The following AZIN2 variants were observed in gnomAD, a reference collection of about 807,000 sequenced individuals.
AZIN2 encodes ODC antizyme inhibitor-2.
A neutral mutation model predicts 47.8 loss-of-function variants in AZIN2; 28 were observed. The ratio of observed to expected loss-of-function variants is 0.59; its 90% confidence interval spans 0.43 to 0.80. The LOEUF is 0.80. AZIN2 is among the 30% of genes least tolerant of loss of function. AZIN2 has a pLI of 0.00. For missense variants in AZIN2, 535 were observed against 582.5 expected (o/e 0.92, Z 0.84); for synonymous variants, 221 against 239.4 (o/e 0.92, Z 0.71).
At chr1:33,129,620 A>C in the AZIN2 span, among the ~76,000 whole-genome samples, 1 of 152,206 alleles carries the variant, frequency 6.6e-6, no homozygotes, top group African/African-American at 2.4e-5. This position sits in a 1 kb window ranked among gnomAD's most constrained non-coding sequence, Gnocchi z 4.1. Flanking sequence ...TTTTGTGTAA[A>C]TATGGACCTT....
chr1:33,100,486 C>T (rs1019939001), intron 10 of AZIN2, among the ~76,000 whole-genome samples: 1 of 152,018 alleles, frequency 6.6e-6, no homozygotes, highest in South Asian at 2.1e-4. Context: ...GCAGTACTCT[C>T]AATACTCAAA....
the AZIN2 span, chr1:33,147,417 C>T: frequency 1.2e-6 from 2 of 1,614,154 alleles, no homozygotes; most frequent in Non-Finnish European, 1.7e-6. The surrounding 1 kb of genome is among the most constrained non-coding windows in gnomAD (Gnocchi z 8.1). Flanking sequence ...AGGCGCTGTA[C>T]TGGTTGCCAT....
At chr1:33,155,149 G>A in the AZIN2 span, among the ~76,000 whole-genome samples, 2 of 149,496 alleles carry the variant, frequency 1.3e-5, no homozygotes, top group Non-Finnish European at 3.0e-5. Context: ...TCGGCTCATT[G>A]CAGCCTTCAC....
At chr1:33,128,968 C>T in the AZIN2 span, among the ~76,000 whole-genome samples, 19 of 152,072 alleles carry the variant, frequency 1.2e-4, no homozygotes, top group African/African-American at 3.1e-4. Flanking sequence ...ATAAAGCTGC[C>T]GGCCAGGATT....
intron 11 of AZIN2, chr1:33,119,760 C>G (rs1028593777): frequency 2.0e-6 from 1 of 496,062 alleles, no homozygotes; most frequent in Admixed American, 3.5e-5. Flanking sequence ...ATGCCTCCCT[C>G]ATGGGGTTTT....
the AZIN2 span, chr1:33,165,375 A>T: frequency 1.7e-6 from 2 of 1,169,024 alleles, no homozygotes; most frequent in Non-Finnish European, 2.4e-6. This position sits in a 1 kb window ranked among gnomAD's most constrained non-coding sequence, Gnocchi z 4.0. Flanking sequence ...TCCACCGCAC[A>T]CCCGAGGCCC....
Position 33,113,247 on chromosome 1 carries a change from C to T in AZIN2, c.1030-4655C>T, listed in dbSNP as rs936161396. On this transcript the variant is annotated intron_variant, in intron 10 of 11. Transcript: ENST00000294517. This position sits in a 1 kb window ranked among gnomAD's most constrained non-coding sequence, Gnocchi z 4.1. ...CCTCCCAAAGTGTTGGGATTCCAGGCGTGAGCCACCGCGCCCAGCTGGTTT... is the reference window on the plus strand; with the variant it reads ...CCTCCCAAAGTGTTGGGATTCCAGGTGTGAGCCACCGCGCCCAGCTGGTTT... 1.3e-5 allele frequency among the ~76,000 whole-genome samples: 2 copies of T among 152,204 alleles called. No homozygotes were observed. Among genetic ancestry groups the T allele is most frequent in the Non-Finnish European group, 2.9e-5 (2 of 68,038 alleles).
chr1:33,094,946 T>C (rs1570003470), intron 8 of AZIN2, among the ~76,000 whole-genome samples: 1 of 152,182 alleles, frequency 6.6e-6, no homozygotes, highest in East Asian at 1.9e-4. Context: ...CTGCCTGCCA[T>C]GCACTTCAGC....
Position 33,083,938 on chromosome 1 carries a change from ACTT to A in AZIN2, c.106-12_106-10del, listed in dbSNP as rs1184469839. The A allele has an allele frequency of 2.2e-5, 35 of 1,613,784 alleles. No individual in the cohort carries two copies. The highest frequency in any genetic ancestry group is 2.6e-5 in the Non-Finnish European group (31 of 1,180,018). ...GCTGGATGGGGTCTCACATTCATCC[ACTT>A]CTTGTCATTCAGGACGAGGTAGCTG... On this transcript the variant is annotated splice_polypyrimidine_tract_variant and intron_variant, in intron 4 of 11. Transcript: ENST00000294517.
chr1:33,134,144 A>G, the AZIN2 span, among the ~76,000 whole-genome samples: 1 of 152,234 alleles, frequency 6.6e-6, no homozygotes, highest in East Asian at 1.9e-4. Context: ...ACCGTGGGCC[A>G]GGCATGTGGC....
chr1:33,156,259 ACTCT>A, the AZIN2 span, among the ~76,000 whole-genome samples: 1 of 151,540 alleles, frequency 6.6e-6, no homozygotes, highest in South Asian at 2.1e-4. Flanking sequence ...GCACTGCCAC[ACTCT>A]CTCTCCTTCG....
At chr1:33,160,803 C>T in the AZIN2 span, among the ~76,000 whole-genome samples, 10 of 152,312 alleles carry the variant, frequency 6.6e-5, no homozygotes, top group African/African-American at 1.9e-4. Flanking sequence ...TAAATTGCAA[C>T]GTATTGAGAA....
intron 7 of AZIN2, among the ~76,000 whole-genome samples, chr1:33,093,826 G>C (rs1642847752): frequency 6.6e-6 from 1 of 151,390 alleles, no homozygotes; most frequent in South Asian, 2.1e-4. Flanking sequence ...GAGCTCCCAG[G>C]CTCAAGCAAT....
intron 5 of AZIN2, among the ~76,000 whole-genome samples, chr1:33,090,226 C>T (rs1477400516): frequency 6.6e-6 from 1 of 152,208 alleles, no homozygotes; most frequent in Admixed American, 6.5e-5. Flanking sequence ...GTGTGGCTCG[C>T]AAAACCTAAA....
chr1:33,084,173 C>T (rs745577454), intron 5 of AZIN2, 46 bp downstream of exon 5: 2 of 1,597,318 alleles, frequency 1.3e-6, no homozygotes, highest in Admixed American at 1.7e-5. Context: ...GCCCACTGAA[C>T]ACACACATGG....
At chr1:33,087,951 C>CTCTCCATCCCTTGGAAACGT (rs1642113644) in intron 5 of AZIN2, among the ~76,000 whole-genome samples, 1 of 152,060 alleles carries the variant, frequency 6.6e-6, no homozygotes, top group Non-Finnish European at 1.5e-5. Context: ...CTGCATATTG[C>CTCTCCATCCCTTGGAAACGT]TCTCCATCCC....
chr1:33,101,990 T>C, intron 10 of AZIN2: 1 of 694,820 alleles, frequency 1.4e-6, no homozygotes, highest in Non-Finnish European at 2.7e-6. Context: ...ACTGCTGCTG[T>C]GAATTCTTGT....
At chr1:33,165,521 C>A in the AZIN2 span, 1 of 1,610,904 alleles carries the variant, frequency 6.2e-7, no homozygotes, top group Non-Finnish European at 8.5e-7. The surrounding 1 kb of genome is among the most constrained non-coding windows in gnomAD (Gnocchi z 4.0). Context: ...TCGGTGTGTT[C>A]CCGCTCGCTG....
At chr1:33,111,705 A>G (rs1644296738) in intron 10 of AZIN2, among the ~76,000 whole-genome samples, 1 of 151,610 alleles carries the variant, frequency 6.6e-6, no homozygotes, top group Non-Finnish European at 1.5e-5. Context: ...AGGTCCAAGC[A>G]ATTCTCCCAC....
Sources: allele counts gnomAD v4.1 joint callset (sites outside exome capture counted in the v4.1 genomes callset), GRCh38; gene constraint gnomAD v4.1.1; non-coding constraint Gnocchi (gnomAD v3.1); transcripts MANE v1.5; gene names NCBI Gene and HGNC (gene_info 2026-07-23, HGNC 2026-07-21).